CNTN5: variants seen among roughly 807,000 people sequenced by gnomAD.
The protein encoded by CNTN5 is contactin-5.
A neutral mutation model predicts 129.1 loss-of-function variants in CNTN5; 77 were observed. That is an observed-to-expected ratio of 0.60 (90% CI 0.50 to 0.72). The LOEUF is 0.72. Among genes scored for constraint, CNTN5 ranks in the 30% least tolerant of loss-of-function variants. The pLI is 0.00. For synonymous variants in CNTN5, 509 were observed against 465.6 expected, an observed-to-expected ratio of 1.09 and a Z score of -1.20; for missense variants, 1,478 against 1,328.8, an observed-to-expected ratio of 1.11 and a Z score of -1.75.
chr11:99,047,828 T>C (rs1335773629), intron 1 of CNTN5, among the ~76,000 whole-genome samples: 1 of 152,094 alleles, frequency 6.6e-6, no homozygotes, highest in Non-Finnish European at 1.5e-5. Context: ...CATTTACATA[T>C]ATTTTTATAC....
intron 2 of CNTN5, among the ~76,000 whole-genome samples, chr11:99,399,300 G>C (rs909998918): frequency 1.3e-5 from 2 of 151,742 alleles, no homozygotes. Context: ...AAACTTATTA[G>C]ATTTCAGAAC....
intron 2 of CNTN5, among the ~76,000 whole-genome samples, chr11:99,551,302 T>C (rs879851577): frequency 6.6e-6 from 1 of 152,198 alleles, no homozygotes; most frequent in Non-Finnish European, 1.5e-5. Context: ...AAGGCATATG[T>C]GAATTAAGTG....
At chr11:99,363,407 A>G (rs1033809639) in intron 2 of CNTN5, among the ~76,000 whole-genome samples, 2 of 152,146 alleles carry the variant, frequency 1.3e-5, no homozygotes, top group Non-Finnish European at 1.5e-5. Context: ...ATGCTGCAAG[A>G]TAAGAAACTA....
intron 2 of CNTN5, among the ~76,000 whole-genome samples, chr11:99,542,628 CA>C (rs1383742445): frequency 6.6e-6 from 1 of 152,156 alleles, no homozygotes; most frequent in Non-Finnish European, 1.5e-5. Flanking sequence ...GTGACAACAA[CA>C]AAAAAATCTC....
intron 1 of CNTN5, among the ~76,000 whole-genome samples, chr11:99,133,935 C>A (rs1464592579): frequency 1.3e-5 from 2 of 152,130 alleles, no homozygotes. Flanking sequence ...ATAAATCATT[C>A]TATTACAAAG....
intron 3 of CNTN5, among the ~76,000 whole-genome samples, chr11:99,576,124 T>C (rs1591302552): frequency 6.6e-6 from 1 of 152,282 alleles, no homozygotes; most frequent in Admixed American, 6.5e-5. Context: ...AACCGCTTTT[T>C]CCCTACCACA....
chr11:99,884,759 C>T (rs1331609718), intron 6 of CNTN5, among the ~76,000 whole-genome samples: 1 of 152,122 alleles, frequency 6.6e-6, no homozygotes, highest in African/African-American at 2.4e-5. Context: ...GGTGGATCGC[C>T]TGAAGTCAGG....
At chr11:99,296,219 T>G (rs1864383934) in intron 1 of CNTN5, among the ~76,000 whole-genome samples, 1 of 151,858 alleles carries the variant, frequency 6.6e-6, no homozygotes, top group Non-Finnish European at 1.5e-5. Flanking sequence ...GCTTTCCTGG[T>G]TAGTTTTACC....
At chr11:99,636,392 TTG>T (rs1951557395) in intron 3 of CNTN5, among the ~76,000 whole-genome samples, 1 of 151,678 alleles carries the variant, frequency 6.6e-6, no homozygotes, top group African/African-American at 2.4e-5. Context: ...TTCTTTTTTT[TTG>T]TTGTTGTTGT....
intron 2 of CNTN5, among the ~76,000 whole-genome samples, chr11:99,474,763 C>T (rs905261906): frequency 1.3e-5 from 2 of 152,088 alleles, no homozygotes; most frequent in African/African-American, 4.8e-5. Context: ...CTAATTAAAT[C>T]TATTTTTAGG....
intron 2 of CNTN5, among the ~76,000 whole-genome samples, chr11:99,436,881 G>A (rs546563851): frequency 3.9e-5 from 6 of 151,936 alleles, no homozygotes; most frequent in Non-Finnish European, 4.4e-5. Flanking sequence ...GCTTCATCCT[G>A]GTTCCCTTTC....
chr11:99,775,255 C>T (rs1172517068), intron 3 of CNTN5, among the ~76,000 whole-genome samples: 1 of 151,968 alleles, frequency 6.6e-6, no homozygotes, highest in Non-Finnish European at 1.5e-5. Context: ...AAATATCTTG[C>T]TTTTTTAATA....
intron 1 of CNTN5, among the ~76,000 whole-genome samples, chr11:99,030,060 T>A (rs1053624537): frequency 6.6e-6 from 1 of 152,172 alleles, no homozygotes; most frequent in Non-Finnish European, 1.5e-5. Context: ...TCATGGCATA[T>A]GGTGAGGTCA....
chr11:100,038,245 C>A (rs1188005091), intron 9 of CNTN5, among the ~76,000 whole-genome samples: 2 of 152,060 alleles, frequency 1.3e-5, no homozygotes, highest in African/African-American at 4.8e-5. Context: ...CATTCAGGAG[C>A]AGGTTGTTCA....
intron 16 of CNTN5, among the ~76,000 whole-genome samples, chr11:100,238,681 C>T (rs1305574678): frequency 6.6e-6 from 1 of 152,088 alleles, no homozygotes; most frequent in African/African-American, 2.4e-5. Context: ...TTTTTGGTAA[C>T]TGGTAGATAT....
chr11:100,268,968 G>A (rs529291658), intron 17 of CNTN5, among the ~76,000 whole-genome samples: 10 of 152,204 alleles, frequency 6.6e-5, no homozygotes, highest in Non-Finnish European at 1.2e-4. Context: ...CTAGGGAAGA[G>A]GTTCATTAAA....
chr11:99,164,797 G>A (rs1375291706), intron 1 of CNTN5, among the ~76,000 whole-genome samples: 1 of 152,180 alleles, frequency 6.6e-6, no homozygotes, highest in Non-Finnish European at 1.5e-5. Context: ...TTATGTGTGT[G>A]CATGTGTGTG....
intron 10 of CNTN5, among the ~76,000 whole-genome samples, chr11:100,068,219 A>C (rs1414044278): frequency 6.6e-6 from 1 of 152,140 alleles, no homozygotes; most frequent in Non-Finnish European, 1.5e-5. Context: ...CTGAGTGTCA[A>C]ATTCTAACCA....
chr11:99,060,739 C>CCA (rs1230787598), intron 1 of CNTN5, among the ~76,000 whole-genome samples: 1 of 151,780 alleles, frequency 6.6e-6, no homozygotes. Flanking sequence ...AAGCATGTAA[C>CCA]CAAAATAAAC....
Sources: allele counts gnomAD v4.1 joint callset (sites outside exome capture counted in the v4.1 genomes callset), GRCh38; gene constraint gnomAD v4.1.1; transcripts MANE v1.5; gene names NCBI Gene and HGNC (gene_info 2026-07-23, HGNC 2026-07-21).